The following KYAT1 variants were observed in gnomAD, a reference collection of about 807,000 sequenced individuals.
The protein encoded by KYAT1 is kynurenine aminotransferase 1.
KYAT1 carries 47 observed loss-of-function variants against 52.4 expected under a neutral mutation model. The observed-to-expected ratio is 0.90, with a 90% CI of 0.71 to 1.14. The LOEUF (loss-of-function observed/expected upper bound fraction) is 1.14, where lower values mean the gene tolerates loss of function less well. KYAT1 is among the 50% of genes most tolerant of loss of function. The probability of loss-of-function intolerance (pLI) is 0.00; values close to 1 mark genes in which losing one functional copy is unlikely to be tolerated. For missense variants in KYAT1, 480 were observed against 557.9 expected (o/e 0.86, Z 1.41); for synonymous variants, 212 against 209.6 (o/e 1.01, Z -0.10).
chr9:128,847,422 A>G, intron 1 of KYAT1: 1 of 1,526,122 alleles, frequency 6.6e-7, no homozygotes, highest in Non-Finnish European at 8.8e-7. Flanking sequence ...TATTGGGGTT[A>G]GGGCACTTAC....
At chr9:128,864,420 A>G (rs1343140913) in intron 1 of KYAT1, among the ~76,000 whole-genome samples, 1 of 151,662 alleles carries the variant, frequency 6.6e-6, no homozygotes, top group Non-Finnish European at 1.5e-5. Flanking sequence ...TAAAATACAC[A>G]TATCATAAAC....
chr9:128,835,427 C>A (rs1429954335), intron 10 of KYAT1, 25 bp from the exon 11 acceptor site: 1 of 1,613,512 alleles, frequency 6.2e-7, no homozygotes, highest in Admixed American at 1.7e-5. Flanking sequence ...CCACACTGAG[C>A]CCCCTGCAGC....
At chr9:128,857,350 G>A (rs997721187) in intron 1 of KYAT1, among the ~76,000 whole-genome samples, 1 of 152,070 alleles carries the variant, frequency 6.6e-6, no homozygotes, top group Admixed American at 6.5e-5. Flanking sequence ...CAGTCTCCTG[G>A]GCCCACTGTT....
At chr9:128,857,063 G>A (rs1417605833) in intron 1 of KYAT1, among the ~76,000 whole-genome samples, 1 of 152,238 alleles carries the variant, frequency 6.6e-6, no homozygotes, top group African/African-American at 2.4e-5. Context: ...GAGACATGTT[G>A]GCAGCAATGC....
chr9:128,834,846 A>AAG (rs1830730191), intron 11 of KYAT1, among the ~76,000 whole-genome samples: 1 of 138,764 alleles, frequency 7.2e-6, no homozygotes, highest in Non-Finnish European at 1.5e-5. Flanking sequence ...AAAAAAAAAA[A>AAG]AAAAAAAAGG....
intron 1 of KYAT1, among the ~76,000 whole-genome samples, chr9:128,878,639 G>A (rs992911810): frequency 2.6e-5 from 4 of 152,154 alleles, no homozygotes; most frequent in Admixed American, 1.3e-4. Context: ...TAACAATTGC[G>A]TCACTCAGAC....
chr9:128,846,617 A>G lies in KYAT1; in HGVS notation c.-6-1206T>C, dbSNP rs1481374110. ...GACTCTACCAAAAAAAAAAAAAAAAAAAAAAAAAGAAAGAAAGAAATTGGC... is the reference window on the plus strand; with the variant it reads ...GACTCTACCAAAAAAAAAAAAAAAAGAAAAAAAAGAAAGAAAGAAATTGGC... On this transcript the variant is annotated intron_variant, in intron 1 of 12. Transcript: ENST00000302586. 2.0e-5 allele frequency: 21 copies of G among 1,044,712 alleles called. 1 individual carries two copies. The South Asian group carries it at 2.4e-4, about 12-fold the overall frequency. The allele number at this position is 1,044,712 out of a possible 1,614,324, so 64.7% of individuals were successfully genotyped here.
At position 128,837,737 on chromosome 9, in the gene KYAT1, G is replaced by A; in HGVS notation, c.515C>T (p.Thr172Ile). 1.9e-6 allele frequency: 3 copies of A among 1,614,172 alleles called. No homozygotes were observed. Among genetic ancestry groups the A allele is most frequent in the Non-Finnish European group, 2.5e-6 (3 of 1,180,026 alleles). ...GAGGACCAGGGCTTTGGTGCGTGATGTGAATTTGCCGGCCAGCTCCATGGG... is the reference window on the plus strand; with the variant it reads ...GAGGACCAGGGCTTTGGTGCGTGATATGAATTTGCCGGCCAGCTCCATGGG... ...LDPMELAGKF[T>I]SRTKALVLNT... The change falls in exon 6 of 13, where the codon ACA becomes ATA. Residue 172 changes from threonine to isoleucine, a missense_variant. Physicochemically the swap from Thr to Ile is moderately conservative, Grantham distance 89. Coordinates refer to ENST00000302586, the MANE Select transcript of KYAT1 (RefSeq NM_004059.5).
intron 1 of KYAT1, among the ~76,000 whole-genome samples, chr9:128,874,924 C>T (rs1588160757): frequency 6.6e-6 from 1 of 151,290 alleles, no homozygotes; most frequent in East Asian, 2.0e-4. Flanking sequence ...GGGGTTTCAC[C>T]ATGTTGGCCA....
chr9:128,852,793 C>G (rs1178944275), intron 1 of KYAT1, among the ~76,000 whole-genome samples: 1 of 152,230 alleles, frequency 6.6e-6, no homozygotes, highest in East Asian at 1.9e-4. Context: ...GGCATCCCTA[C>G]TTATGCCATG....
Position 128,842,798 on chromosome 9 carries a change from C to T in KYAT1, c.57G>A (p.Val19=). Residue 19 remains valine, a synonymous_variant, in exon 3 of 13, where the codon GTG becomes GTA. Transcript: ENST00000302586. ...RLDGIDYNPW[V]EFVKLASEHD... ...GCTCACTGGCCAGTTTCACAAACTC[C>T]ACCCTGGGTAACAAATGGAGAATCA... 6.2e-7 allele frequency: 1 copy of T among 1,613,114 alleles called. No homozygotes were observed. Among genetic ancestry groups the T allele is most frequent in the Non-Finnish European group, 8.5e-7 (1 of 1,179,458 alleles).
chr9:128,881,625 T>C (rs2417133), intron 1 of KYAT1, among the ~76,000 whole-genome samples: 8,416 of 152,120 alleles, frequency 0.055, 278 homozygotes, highest in African/African-American at 0.096. Context: ...TCCAGAATTC[T>C]GTTGTCTCGG....
At chr9:128,867,233 G>T (rs992168051) in intron 1 of KYAT1, among the ~76,000 whole-genome samples, 1 of 152,180 alleles carries the variant, frequency 6.6e-6, no homozygotes, top group African/African-American at 2.4e-5. Context: ...AGTCTGGAGT[G>T]CAGTGGCACA....
At chr9:128,839,413 T>G (rs1025467760) in intron 3 of KYAT1, among the ~76,000 whole-genome samples, 1 of 152,062 alleles carries the variant, frequency 6.6e-6, no homozygotes, top group Admixed American at 6.6e-5. Flanking sequence ...AGAAACTTGT[T>G]TGCTGAGGAC....
intron 2 of KYAT1, 90 bp from the exon 3 acceptor site, chr9:128,842,891 G>C: frequency 1.5e-6 from 2 of 1,378,876 alleles, no homozygotes; most frequent in Non-Finnish European, 2.0e-6. Flanking sequence ...AACCGGCCAG[G>C]TGTGGTGGCT....
intron 1 of KYAT1, among the ~76,000 whole-genome samples, chr9:128,850,210 G>A (rs528537656): frequency 1.2e-4 from 19 of 152,054 alleles, no homozygotes; most frequent in Non-Finnish European, 2.8e-4. Flanking sequence ...TTGAACCCCT[G>A]ACTTCAAGCG....
At chr9:128,846,626 GAAA>G in intron 1 of KYAT1, 1 of 459,750 alleles carries the variant, frequency 2.2e-6, no homozygotes, top group Non-Finnish European at 3.3e-6. Context: ...AAAAAAAAAA[GAAA>G]GAAAGAAATT....
chr9:128,845,943 G>T (rs907770905), intron 1 of KYAT1, among the ~76,000 whole-genome samples: 1 of 152,184 alleles, frequency 6.6e-6, no homozygotes, highest in Non-Finnish European at 1.5e-5. Context: ...GGTGCAGGAG[G>T]GGGAGTGATG....
At chr9:128,847,738 AC>A in intron 1 of KYAT1, 2 of 503,418 alleles carry the variant, frequency 4.0e-6, no homozygotes, top group Admixed American at 3.5e-5. Flanking sequence ...TGATTATCCG[AC>A]TCCGTCCTTA....
Sources: gnomAD v4.1 joint callset for allele counts (sites outside exome capture counted in the v4.1 genomes callset) on GRCh38, gnomAD v4.1.1 for gene constraint, MANE v1.5 for transcripts, NCBI Gene and HGNC (gene_info 2026-07-23, HGNC 2026-07-21) for gene names.